Variants in CAB39 observed in about 807,000 individuals in gnomAD.
The protein encoded by CAB39 is calcium-binding protein 39.
CAB39 carries 8 observed loss-of-function variants against 40.0 expected under a neutral mutation model. The ratio of observed to expected loss-of-function variants is 0.20; its 90% CI spans 0.12 to 0.36. The LOEUF (loss-of-function observed/expected upper bound fraction) is 0.36, where lower values mean the gene tolerates loss of function less well. Among genes scored for constraint, CAB39 ranks in the 10% least tolerant of loss-of-function variants. The pLI is 1.00. For synonymous variants in CAB39, 156 were observed against 141.6 expected (o/e 1.10, Z -0.72); for missense variants, 270 against 401.1 (o/e 0.67, Z 2.79).
chr2:230,813,989 T>TTTTTTTTG, intron 6 of CAB39, 60 bp from the exon 7 acceptor site: 1 of 345,744 alleles, frequency 2.9e-6, no homozygotes, highest in Non-Finnish European at 5.3e-6. Flanking sequence ...TTTTTTTTTT[T>TTTTTTTTG]TTTTTTTTTT....
At chr2:230,799,028 G>A (rs535470476) in intron 5 of CAB39, 131 bp downstream of exon 5, 2 of 658,038 alleles carry the variant, frequency 3.0e-6, no homozygotes, top group East Asian at 2.8e-5. Flanking sequence ...TTTTGTATAT[G>A]TTTGTGTGAT....
chr2:230,802,377 A>G (rs1336867613), intron 5 of CAB39, among the ~76,000 whole-genome samples: 1 of 152,214 alleles, frequency 6.6e-6, no homozygotes, highest in Non-Finnish European at 1.5e-5. Flanking sequence ...AACACATCCA[A>G]AAGCTAGCAG....
At chr2:230,766,422 C>T (rs1047972886) in intron 2 of CAB39, among the ~76,000 whole-genome samples, 4 of 152,294 alleles carry the variant, frequency 2.6e-5, no homozygotes, top group South Asian at 4.1e-4. Context: ...AACCAGATCT[C>T]GCATGAACTC....
intron 1 of CAB39, among the ~76,000 whole-genome samples, chr2:230,743,916 CTT>C (rs1184035557): frequency 2.7e-4 from 34 of 127,668 alleles, no homozygotes; most frequent in Admixed American, 4.0e-4. Context: ...ATACATGATA[CTT>C]TTTTTTTTTT....
chr2:230,808,989 A>G (rs1243646146), intron 5 of CAB39, among the ~76,000 whole-genome samples: 1 of 152,254 alleles, frequency 6.6e-6, no homozygotes, highest in Non-Finnish European at 1.5e-5. Flanking sequence ...GTGTAGCATA[A>G]GAGAGACTTG....
At chr2:230,750,763 G>C (rs1224619600) in intron 1 of CAB39, among the ~76,000 whole-genome samples, 1 of 152,112 alleles carries the variant, frequency 6.6e-6, no homozygotes, top group African/African-American at 2.4e-5. Flanking sequence ...TTGCTATCCA[G>C]TTTATATAAT....
intron 1 of CAB39, among the ~76,000 whole-genome samples, chr2:230,744,257 T>C (rs1694934873): frequency 6.6e-6 from 1 of 151,426 alleles, no homozygotes; most frequent in East Asian, 2.0e-4. Flanking sequence ...TACTTAGTTA[T>C]GGTCAGTTTG....
chr2:230,788,529 T>C (rs1695835262), intron 2 of CAB39, among the ~76,000 whole-genome samples: 1 of 152,230 alleles, frequency 6.6e-6, no homozygotes. Flanking sequence ...TTCATTTCTT[T>C]GTGAAGAATC....
chr2:230,744,616 C>T (rs922685462), intron 1 of CAB39, among the ~76,000 whole-genome samples: 1 of 152,226 alleles, frequency 6.6e-6, no homozygotes, highest in African/African-American at 2.4e-5. Context: ...GAAGTATATT[C>T]TCTAACTGTG....
At chr2:230,805,515 T>C (rs1248715826) in intron 5 of CAB39, among the ~76,000 whole-genome samples, 1 of 152,056 alleles carries the variant, frequency 6.6e-6, no homozygotes, top group Non-Finnish European at 1.5e-5. Flanking sequence ...TACTGGTGGA[T>C]TGGGGGAGTA....
intron 1 of CAB39, among the ~76,000 whole-genome samples, chr2:230,730,475 G>A (rs571293248): frequency 1.4e-5 from 2 of 144,450 alleles, no homozygotes; most frequent in African/African-American, 2.6e-5. Flanking sequence ...ACCAAGTCTC[G>A]CTCTTGTGCC....
chr2:230,782,649 G>A (rs1218004305), intron 2 of CAB39, among the ~76,000 whole-genome samples: 1 of 151,966 alleles, frequency 6.6e-6, no homozygotes, highest in African/African-American at 2.4e-5. Context: ...GTTGTAAATT[G>A]AGCACAAGGC....
intron 1 of CAB39, among the ~76,000 whole-genome samples, chr2:230,757,914 G>A (rs893178281): frequency 1.3e-5 from 2 of 152,056 alleles, no homozygotes; most frequent in Admixed American, 6.6e-5. Context: ...CTTGTAGAGC[G>A]ATCATATGAC....
intron 1 of CAB39, among the ~76,000 whole-genome samples, chr2:230,736,414 C>T (rs1310576724): frequency 6.6e-6 from 1 of 152,052 alleles, no homozygotes; most frequent in African/African-American, 2.4e-5. Flanking sequence ...TTCCACGTCA[C>T]CCCAGAGAGT....
At chr2:230,730,465 A>T (rs1694667567) in intron 1 of CAB39, among the ~76,000 whole-genome samples, 3 of 145,142 alleles carry the variant, frequency 2.1e-5, no homozygotes, top group African/African-American at 5.2e-5. Context: ...TTTTTTTGAG[A>T]CCAAGTCTCG....
intron 1 of CAB39, among the ~76,000 whole-genome samples, chr2:230,735,707 G>T (rs1216475896): frequency 4.0e-5 from 6 of 151,516 alleles, no homozygotes; most frequent in Admixed American, 3.9e-4. Flanking sequence ...TAGAGACCAG[G>T]TCTCACTGTG....
chr2:230,815,476 G>T (rs560889027), intron 7 of CAB39, among the ~76,000 whole-genome samples: 2 of 152,286 alleles, frequency 1.3e-5, no homozygotes, highest in South Asian at 4.1e-4. Context: ...TACTACTCTT[G>T]CCAGCAGTTA....
At chr2:230,718,876 T>C (rs1694398823) in intron 1 of CAB39, among the ~76,000 whole-genome samples, 1 of 152,198 alleles carries the variant, frequency 6.6e-6, no homozygotes, top group African/African-American at 2.4e-5. Context: ...TTTTATGGCT[T>C]ATTAGCCACA....
At chr2:230,728,059 T>C (rs1164071142) in intron 1 of CAB39, among the ~76,000 whole-genome samples, 2 of 151,696 alleles carry the variant, frequency 1.3e-5, no homozygotes, top group Non-Finnish European at 2.9e-5. Flanking sequence ...GTCAACATGG[T>C]GAAACCCAGT....
Sources: gnomAD v4.1 joint callset for allele counts (sites outside exome capture counted in the v4.1 genomes callset) on GRCh38, gnomAD v4.1.1 for gene constraint, MANE v1.5 for transcripts, NCBI Gene and HGNC (gene_info 2026-07-23, HGNC 2026-07-21) for gene names.